The following SOBP variants were observed in gnomAD, a reference collection of about 807,000 sequenced individuals.
SOBP encodes the protein sine oculis binding protein homolog, also known as sine oculis-binding protein homolog.
In SOBP, 4 loss-of-function variants were observed where a neutral mutation model predicts 53.6. The observed-to-expected ratio is 0.07, with a 90% CI of 0.04 to 0.17. The LOEUF is 0.17. Ranked by LOEUF, SOBP falls within the 10% of genes least tolerant of loss-of-function variation. The pLI is 1.00. For synonymous variants in SOBP, 584 were observed against 522.6 expected, an observed-to-expected ratio of 1.12 and a Z score of -1.60; for missense variants, 1,088 against 1,204.7, an observed-to-expected ratio of 0.90 and a Z score of 1.43.
chr6:107,497,290 C>G (rs1472339058), intron 1 of SOBP, among the ~76,000 whole-genome samples: 2 of 152,158 alleles, frequency 1.3e-5, no homozygotes, highest in African/African-American at 4.8e-5. Flanking sequence ...GAAAGCATTT[C>G]TCATGTGCTC....
intron 6 of SOBP, among the ~76,000 whole-genome samples, chr6:107,644,573 A>C (rs943103556): frequency 6.6e-6 from 1 of 152,126 alleles, no homozygotes; most frequent in African/African-American, 2.4e-5. Context: ...TAAGCTTTGG[A>C]GGTTATAAAT....
intron 1 of SOBP, among the ~76,000 whole-genome samples, chr6:107,496,087 T>C (rs187060898): frequency 6.6e-6 from 1 of 152,318 alleles, no homozygotes; most frequent in East Asian, 1.9e-4. Context: ...GCTGAATGTA[T>C]ATTTTAGGAT....
chr6:107,588,059 A>G (rs532323242), intron 5 of SOBP, among the ~76,000 whole-genome samples: 10 of 152,260 alleles, frequency 6.6e-5, no homozygotes, highest in Non-Finnish European at 1.3e-4. Flanking sequence ...ATTTGCTCCA[A>G]CTAAGTGAAA....
chr6:107,634,824 C>A lies in SOBP; in HGVS notation c.1980C>A (p.His660Gln). ...QDGVIDLTVGHRARLHNVIHR... is the reference protein window; with the variant it reads ...QDGVIDLTVGQRARLHNVIHR... ...GCGTCATCGACCTGACCGTGGGCCA[C>A]CGAGCCCGGCTGCACAACGTGATCC... The change falls in exon 6 of 7, where the codon CAC becomes CAA. Residue 660 changes from histidine to glutamine, a missense_variant. Coordinates refer to ENST00000317357, the MANE Select transcript of SOBP (RefSeq NM_018013.4). This position sits in a 1 kb window ranked among gnomAD's most constrained non-coding sequence, Gnocchi z 4.5. 1 of 1,408,126 alleles carries A rather than the reference C, an allele frequency of 7.1e-7. No homozygotes were observed. The highest frequency in any genetic ancestry group is 9.3e-7 in the Non-Finnish European group (1 of 1,077,880). The allele number at this position is 1,408,126 out of a possible 1,614,324, so 87.2% of individuals were successfully genotyped here. A position where few individuals can be genotyped will look rare whatever the true frequency, so the allele number is the denominator to read the frequency against.
At chr6:107,506,512 T>G in intron 3 of SOBP, 85 bp downstream of exon 3, 1 of 1,498,696 alleles carries the variant, frequency 6.7e-7, no homozygotes, top group African/African-American at 1.4e-5. Context: ...AATGCTCAAG[T>G]TAACTTTGGT....
intron 6 of SOBP, among the ~76,000 whole-genome samples, chr6:107,651,210 T>G (rs1771788490): frequency 6.6e-6 from 1 of 152,150 alleles, no homozygotes. Flanking sequence ...GAGGCTGCAG[T>G]GAGCTGTGAT....
In SOBP at chr6:107,634,997, C is replaced by T; in HGVS notation, c.2153C>T (p.Ala718Val). The T allele has an allele frequency of 1.8e-6, 2 of 1,097,778 alleles. No individual in the cohort carries two copies. The highest frequency in any genetic ancestry group is 2.2e-6 in the Non-Finnish European group (2 of 902,884). 68.0% of individuals were successfully genotyped at this position (1,097,778 alleles called of 1,614,324 possible). A position where few individuals can be genotyped will look rare whatever the true frequency, so the allele number is the denominator to read the frequency against. ...PGAPAGPEAA[A>V]ACNVIVNGTR... Reference sequence around the variant, plus strand: ...GCCCCGGCGGGCCCCGAGGCGGCCGCGGCCTGCAACGTCATCGTGAACGGC... The same window carrying T: ...GCCCCGGCGGGCCCCGAGGCGGCCGTGGCCTGCAACGTCATCGTGAACGGC... Residue 718 changes from alanine (A) to valine (V), a missense_variant, in exon 6 of 7, where the codon GCG (alanine) becomes GTG (valine). Physicochemically the swap from Ala to Val is moderately conservative, Grantham distance 64. Transcript: ENST00000317357. This position sits in a 1 kb window ranked among gnomAD's most constrained non-coding sequence, Gnocchi z 4.5.
At chr6:107,567,806 G>T (rs755900807) in intron 4 of SOBP, among the ~76,000 whole-genome samples, 9 of 152,136 alleles carry the variant, frequency 5.9e-5, no homozygotes, top group South Asian at 2.1e-4. Flanking sequence ...ACCTGGGTGA[G>T]CCATAATGCT....
intron 6 of SOBP, among the ~76,000 whole-genome samples, chr6:107,645,148 G>GGT (rs1173003911): frequency 6.6e-6 from 1 of 151,606 alleles, no homozygotes. Context: ...CTTAGCTCTG[G>GGT]GTGTGTGTGT....
At chr6:107,638,565 A>G (rs1304174273) in intron 6 of SOBP, among the ~76,000 whole-genome samples, 2 of 152,138 alleles carry the variant, frequency 1.3e-5, no homozygotes, top group African/African-American at 4.8e-5. Flanking sequence ...TGCCTTCAGA[A>G]ACCCAGACCG....
chr6:107,617,442 G>A (rs1368091121), intron 5 of SOBP, among the ~76,000 whole-genome samples: 1 of 152,216 alleles, frequency 6.6e-6, no homozygotes, highest in African/African-American at 2.4e-5. Flanking sequence ...GGGTTGAACA[G>A]AGGGTTTGTG....
intron 4 of SOBP, among the ~76,000 whole-genome samples, chr6:107,574,828 C>T (rs1785178464): frequency 6.6e-6 from 1 of 152,154 alleles, no homozygotes; most frequent in South Asian, 2.1e-4. Flanking sequence ...CTCTCAGCTT[C>T]CCCCATGAGG....
At chr6:107,557,458 G>A (rs1354334296) in intron 4 of SOBP, among the ~76,000 whole-genome samples, 1 of 152,144 alleles carries the variant, frequency 6.6e-6, no homozygotes, top group East Asian at 1.9e-4. Flanking sequence ...GGAAGATATA[G>A]CCATTTGGAA....
intron 5 of SOBP, among the ~76,000 whole-genome samples, chr6:107,598,247 G>A (rs547797181): frequency 3.2e-4 from 48 of 152,332 alleles, no homozygotes; most frequent in African/African-American, 1.1e-3. Context: ...GCCAGATGGT[G>A]TGGCATGGTG....
chr6:107,503,273 G>A lies in SOBP; in HGVS notation c.97-384G>A, dbSNP rs74814489. 6.8e-3 allele frequency among the ~76,000 whole-genome samples: 1,032 copies of A among 152,234 alleles called. 6 individuals are homozygous for A. The highest frequency in any genetic ancestry group is 0.024 in the African/African-American group (987 of 41,548). On this transcript the variant is annotated intron_variant, in intron 1 of 6. Transcript: ENST00000317357. ...AAATTGATCTGAACCACAAAAGGTTGTTTTCATTTTCAAAATCTTTTCTTA... is the reference window on the plus strand; with the variant it reads ...AAATTGATCTGAACCACAAAAGGTTATTTTCATTTTCAAAATCTTTTCTTA...
chr6:107,546,619 A>T (rs979305989), intron 4 of SOBP, among the ~76,000 whole-genome samples: 3 of 152,178 alleles, frequency 2.0e-5, no homozygotes, highest in Admixed American at 6.5e-5. Flanking sequence ...GTGAGTGTCC[A>T]TTATCATAAT....
intron 3 of SOBP, chr6:107,529,502 T>A: frequency 2.0e-6 from 2 of 985,456 alleles, no homozygotes; most frequent in Non-Finnish European, 2.4e-6. Flanking sequence ...ACTTTCGGAA[T>A]TTCCCCTCAG....
Position 107,634,190 on chromosome 6 carries a change from G to A in SOBP, c.1346G>A (p.Ser449Asn), listed in dbSNP as rs1770857480. 1.2e-6 allele frequency: 2 copies of A among 1,606,826 alleles called. No homozygotes were observed. The highest frequency in any genetic ancestry group is 1.7e-6 in the Non-Finnish European group (2 of 1,178,532). ...CCCAGAAACCTGGGCCCCACTTCCA[G>A]CCCCATGCACCGGCCCATGCTATCG... ...GGPRNLGPTS[S>N]PMHRPMLSPH... Residue 449 changes from serine (S) to asparagine (N), a missense_variant, in exon 6 of 7, where the codon AGC becomes AAC. By Grantham distance (46) the Ser-to-Asn change is conservative. This residue lies in a region of SOBP where 665 missense variants were observed against 629.7 expected (regional missense o/e 1.06). Coordinates refer to ENST00000317357, the MANE Select transcript of SOBP (RefSeq NM_018013.4). The surrounding 1 kb of genome is among the most constrained non-coding windows in gnomAD (Gnocchi z 4.5).
chr6:107,523,411 A>G (rs1474822086), intron 3 of SOBP, among the ~76,000 whole-genome samples: 1 of 152,360 alleles, frequency 6.6e-6, no homozygotes, highest in African/African-American at 2.4e-5. Flanking sequence ...TAGTAGGTTC[A>G]TCTTGCTTCT....
Sources: allele counts gnomAD v4.1 joint callset (sites outside exome capture counted in the v4.1 genomes callset), GRCh38; gene constraint gnomAD v4.1.1; regional missense constraint gnomAD v4.1.1; non-coding constraint Gnocchi (gnomAD v3.1); transcripts MANE v1.5; gene names NCBI Gene and HGNC (gene_info 2026-07-23, HGNC 2026-07-21).